Variants in NSD2 observed in about 807,000 individuals in gnomAD.
The protein encoded by NSD2 is histone-lysine N-methyltransferase NSD2.
In NSD2, 12 loss-of-function variants were observed where a neutral mutation model predicts 139.0. That is an observed-to-expected ratio of 0.09 (90% CI 0.06 to 0.14). NSD2 has a LOEUF of 0.14. Ranked by LOEUF, NSD2 falls within the 10% of genes least tolerant of loss-of-function variation. The pLI is 1.00. For synonymous variants in NSD2, 669 were observed against 648.7 expected, an observed-to-expected ratio of 1.03 and a Z score of -0.48; for missense variants, 1,155 against 1,745.0, an observed-to-expected ratio of 0.66 and a Z score of 6.02.
intron 1 of NSD2, among the ~76,000 whole-genome samples, chr4:1,898,085 C>T (rs1054011645): frequency 4.6e-5 from 7 of 152,022 alleles, no homozygotes; most frequent in African/African-American, 1.5e-4. Flanking sequence ...TGAGGCTCTG[C>T]TTCCTTTTTT....
At chr4:1,905,111 C>T (rs952099202) in intron 3 of NSD2, among the ~76,000 whole-genome samples, 14 of 151,566 alleles carry the variant, frequency 9.2e-5, no homozygotes, top group African/African-American at 3.2e-4. Context: ...GTCTGGGCAA[C>T]AACAGCGAAA....
intron 5 of NSD2, among the ~76,000 whole-genome samples, chr4:1,924,235 G>A (rs1216979821): frequency 6.6e-6 from 1 of 152,186 alleles, no homozygotes; most frequent in Non-Finnish European, 1.5e-5. Flanking sequence ...CACCGTTTCA[G>A]GCATGTTGGG....
chr4:1,981,141 T>A lies in NSD2; in HGVS notation c.*2232T>A, dbSNP rs1436200266. On this transcript the variant is annotated 3_prime_UTR_variant, in exon 22 of 22. Coordinates refer to ENST00000508803, the MANE Select transcript of NSD2 (RefSeq NM_001042424.3). ...GATTTTTAATCGCTTTGATAATACT[T>A]CCAAATTTTATGATTTTTCTGAAGG... is the stretch of plus-strand genomic sequence containing the variant. 3 of 233,348 alleles carry A rather than the reference T, an allele frequency of 1.3e-5. No homozygotes were observed. In the East Asian group the frequency reaches 1.8e-4, roughly 14 times the overall value. The allele number at this position is 233,348 out of a possible 1,614,324, so 14.5% of individuals were successfully genotyped here. A position where few individuals can be genotyped will look rare whatever the true frequency, so the allele number is the denominator to read the frequency against.
At chr4:1,962,310 G>A (rs909637898) in intron 18 of NSD2, among the ~76,000 whole-genome samples, 1 of 152,226 alleles carries the variant, frequency 6.6e-6, no homozygotes, top group African/African-American at 2.4e-5. Flanking sequence ...ACCCAGAGGA[G>A]GTGTGTGCTT....
Position 1,940,952 on chromosome 4 carries a change from G to C in NSD2, c.1881+1174G>C, listed in dbSNP as rs1034638439. 3.1e-5 allele frequency: 33 copies of C among 1,057,674 alleles called. No homozygotes were observed. In the African/African-American group the frequency reaches 5.3e-4, roughly 17 times the overall value. 65.5% of individuals were successfully genotyped at this position (1,057,674 alleles called of 1,614,324 possible). ...TTCTGCAGGGACTCAAACCAACTCA[G>C]TGGTGGTCGAGACCTGTTCACGGAT... On this transcript the variant is annotated intron_variant, in intron 9 of 21. Transcript: ENST00000508803.
chr4:1,945,802 C>T (rs1317524344), intron 9 of NSD2: 1 of 1,064,332 alleles, frequency 9.4e-7, no homozygotes, highest in African/African-American at 1.6e-5. Context: ...GCTGTAAAGC[C>T]ACGGATTCCC....
chr4:1,954,028 C>T (rs1210463937), intron 12 of NSD2, among the ~76,000 whole-genome samples: 1 of 151,850 alleles, frequency 6.6e-6, no homozygotes, highest in African/African-American at 2.4e-5. Flanking sequence ...CTCTGTTGCC[C>T]AGGCTGGAGT....
At chr4:1,977,828 A>G (rs1727263639) in intron 21 of NSD2, among the ~76,000 whole-genome samples, 1 of 146,482 alleles carries the variant, frequency 6.8e-6, no homozygotes, top group African/African-American at 2.5e-5. Context: ...AAACAAAACT[A>G]TAAAAAGAAA....
chr4:1,898,668 A>C (rs1716736021), intron 1 of NSD2, among the ~76,000 whole-genome samples: 1 of 146,736 alleles, frequency 6.8e-6, no homozygotes, highest in African/African-American at 2.6e-5. Context: ...TAAAAAAAAA[A>C]AAACAAAAAA....
chr4:1,897,917 T>C (rs1716582821), intron 1 of NSD2, among the ~76,000 whole-genome samples: 1 of 152,146 alleles, frequency 6.6e-6, no homozygotes, highest in South Asian at 2.1e-4. Flanking sequence ...ATGAGCCACC[T>C]CACCCAGCTG....
Position 1,980,304 on chromosome 4 carries a change from C to G in NSD2, c.*1395C>G, listed in dbSNP as rs1727631760. The G allele has an allele frequency of 4.3e-6, 1 of 233,230 alleles. No individual in the cohort carries two copies. Among genetic ancestry groups the G allele is most frequent in the Non-Finnish European group, 8.5e-6 (1 of 118,034 alleles). The allele number at this position is 233,230 out of a possible 1,614,324, so 14.4% of individuals were successfully genotyped here. The stretch of plus-strand genomic sequence containing the variant: ...TGAGGGATCCTTGACCCTGGGAAGT[C>G]TGGAGCACCCTGAGAAGGGGGCACC... On this transcript the variant is annotated 3_prime_UTR_variant, in exon 22 of 22. Transcript: ENST00000508803.
Position 1,981,234 on chromosome 4 carries a change from A to G in NSD2, c.*2325A>G, listed in dbSNP as rs1727732594. 4.3e-6 allele frequency: 1 copy of G among 233,226 alleles called. No homozygotes were observed. Among genetic ancestry groups the G allele is most frequent in the Middle Eastern group, 1.2e-3 (1 of 808 alleles). 14.4% of individuals were successfully genotyped at this position (233,226 alleles called of 1,614,324 possible). ...AAACTGTTAAACTAATGAGCAAGTA[A>G]CACTAACTTTGAATGTCTCTACAAT... On this transcript the variant is annotated 3_prime_UTR_variant, in exon 22 of 22. Transcript: ENST00000508803.
intron 1 of NSD2, among the ~76,000 whole-genome samples, chr4:1,894,081 C>T (rs1034804808): frequency 6.6e-6 from 1 of 152,128 alleles, no homozygotes; most frequent in Non-Finnish European, 1.5e-5. Context: ...GCTTCTAGGA[C>T]TAGCTTCTAG....
At chr4:1,939,503 G>C (rs1408005253) in intron 8 of NSD2, 151 bp from the exon 9 acceptor site, 2 of 829,006 alleles carry the variant, frequency 2.4e-6, no homozygotes, top group East Asian at 2.7e-5. Context: ...TTTATGTTCA[G>C]ATTTTTCCAT....
At chr4:1,922,818 C>T (rs778336591) in intron 5 of NSD2, among the ~76,000 whole-genome samples, 1 of 152,030 alleles carries the variant, frequency 6.6e-6, no homozygotes, top group Non-Finnish European at 1.5e-5. Flanking sequence ...CCCAGCTACT[C>T]GGGAGGCTGA....
rs1726730744 is a variant in NSD2, at chr4:1,973,645, A to C, written c.3373-1218A>C. 6.6e-6 allele frequency among the ~76,000 whole-genome samples: 1 copy of C among 152,260 alleles called. No individual in the cohort carries two copies. The highest frequency in any genetic ancestry group is 2.4e-5 in the African/African-American group (1 of 41,472). ...GGGTATGTAGAAAGGACACGGGGCCAGCGGTCCCAGACAGGGGCACCCTGG... is the reference window on the plus strand; with the variant it reads ...GGGTATGTAGAAAGGACACGGGGCCCGCGGTCCCAGACAGGGGCACCCTGG... On this transcript the variant is annotated intron_variant, in intron 18 of 21. Coordinates refer to ENST00000508803, the MANE Select transcript of NSD2 (RefSeq NM_001042424.3). This position sits in a 1 kb window ranked among gnomAD's most constrained non-coding sequence, Gnocchi z 5.5.
intron 9 of NSD2, 96 bp downstream of exon 9, chr4:1,939,874 C>T: frequency 6.3e-7 from 1 of 1,596,346 alleles, no homozygotes; most frequent in Non-Finnish European, 8.5e-7. Context: ...TTCATAAGCG[C>T]AGCATTGGTG....
intron 18 of NSD2, among the ~76,000 whole-genome samples, chr4:1,963,992 C>T (rs1000594127): frequency 1.3e-5 from 2 of 152,130 alleles, no homozygotes; most frequent in Admixed American, 6.6e-5. Flanking sequence ...AATGGGAACC[C>T]GGTCTCTAAA....
intron 11 of NSD2, among the ~76,000 whole-genome samples, chr4:1,952,572 C>G (rs1237505181): frequency 6.6e-6 from 1 of 152,204 alleles, no homozygotes; most frequent in Admixed American, 6.5e-5. Context: ...GCCGCTCAGA[C>G]AGTGCAGCAT....
Sources: gnomAD v4.1 joint callset for allele counts (sites outside exome capture counted in the v4.1 genomes callset) on GRCh38, gnomAD v4.1.1 for gene constraint, Gnocchi (gnomAD v3.1) non-coding constraint, MANE v1.5 for transcripts, NCBI Gene and HGNC (gene_info 2026-07-23, HGNC 2026-07-21) for gene names.